DNAJB14: variants seen among roughly 807,000 people sequenced by gnomAD.
DNAJB14 encodes the protein dnaJ homolog subfamily B member 14.
In DNAJB14, 22 loss-of-function variants were observed where a neutral mutation model predicts 48.4. The ratio of observed to expected loss-of-function variants is 0.45; its 90% confidence interval spans 0.32 to 0.65. The LOEUF (loss-of-function observed/expected upper bound fraction) is 0.65, where lower values mean the gene tolerates loss of function less well. Among genes scored for constraint, DNAJB14 ranks in the 30% least tolerant of loss-of-function variants. DNAJB14 has a pLI of 0.03. For synonymous variants in DNAJB14, 142 were observed against 158.7 expected, an observed-to-expected ratio of 0.89 and a Z score of 0.79; for missense variants, 319 against 458.8, an observed-to-expected ratio of 0.70 and a Z score of 2.78.
rs1725225178 is a variant in DNAJB14, at chr4:99,899,444, T to G, written c.*1584A>C. ...ATTTCTAAGAGCAAGTTGGTTAAGC[T>G]CTCCAGTTTTCCTATGACAGTATGT... On this transcript the variant is annotated 3_prime_UTR_variant, in exon 8 of 8. Coordinates refer to ENST00000442697, the MANE Select transcript of DNAJB14 (RefSeq NM_001031723.4). 6.6e-6 allele frequency: 1 copy of G among 151,868 alleles called. No homozygotes were observed. Among genetic ancestry groups the G allele is most frequent in the Non-Finnish European group, 1.5e-5 (1 of 67,644 alleles). 9.4% of individuals were successfully genotyped at this position (151,868 alleles called of 1,614,324 possible).
At chr4:99,906,168 G>T in intron 5 of DNAJB14, 1 of 1,329,366 alleles carries the variant, frequency 7.5e-7, no homozygotes, top group Non-Finnish European at 9.8e-7. Flanking sequence ...AGGCAATTAG[G>T]TATAACTGCA....
At chr4:99,916,311 T>A (rs970705632) in intron 3 of DNAJB14, among the ~76,000 whole-genome samples, 4 of 152,266 alleles carry the variant, frequency 2.6e-5, no homozygotes, top group African/African-American at 9.6e-5. Context: ...GCTAATTTTT[T>A]AATTTTTTAT....
At chr4:99,910,633 AAT>A (rs1266935257) in intron 3 of DNAJB14, among the ~76,000 whole-genome samples, 1 of 152,038 alleles carries the variant, frequency 6.6e-6, no homozygotes, top group Non-Finnish European at 1.5e-5. Context: ...CATAATCTAT[AAT>A]TGTACACATA....
At chr4:99,914,145 T>C (rs1318193586) in intron 3 of DNAJB14, among the ~76,000 whole-genome samples, 1 of 152,132 alleles carries the variant, frequency 6.6e-6, no homozygotes, top group Non-Finnish European at 1.5e-5. Flanking sequence ...CAGCAAGACA[T>C]TCATGAGGGA....
chr4:99,914,047 A>G lies in DNAJB14; in HGVS notation c.452-5151T>C, dbSNP rs143109211. Among the ~76,000 whole-genome samples the G allele has an allele frequency of 5.9e-3, 891 of 152,278 alleles. 31 individuals are homozygous for G. Among genetic ancestry groups the G allele is most frequent in the Admixed American group, 0.046 (710 of 15,292 alleles). ...AAAACCTGAGGGGTGTCCTGGCTTT[A>G]TAACAACCCACTCATTCGGGAAATA... On this transcript the variant is annotated intron_variant, in intron 3 of 7. Transcript: ENST00000442697.
chr4:99,911,628 C>G (rs967719487), intron 3 of DNAJB14, among the ~76,000 whole-genome samples: 3 of 152,170 alleles, frequency 2.0e-5, no homozygotes, highest in African/African-American at 7.2e-5. Context: ...TTGCATTTCT[C>G]TAATGACTAA....
chr4:99,932,758 G>A (rs772083563), intron 1 of DNAJB14, among the ~76,000 whole-genome samples: 1 of 151,978 alleles, frequency 6.6e-6, no homozygotes, highest in Non-Finnish European at 1.5e-5. Flanking sequence ...ATCAACTGAT[G>A]GATAATGATA....
At chr4:99,925,016 T>C in intron 2 of DNAJB14, 1 of 561,752 alleles carries the variant, frequency 1.8e-6, no homozygotes. Flanking sequence ...CCCTAGACTC[T>C]AAGATGTATA....
chr4:99,903,205 A>G (rs1383618953), intron 7 of DNAJB14, among the ~76,000 whole-genome samples: 4 of 152,140 alleles, frequency 2.6e-5, no homozygotes. Flanking sequence ...CTGTTCCTTA[A>G]ATTAAGAAAA....
intron 1 of DNAJB14, among the ~76,000 whole-genome samples, chr4:99,939,239 G>A (rs976629246): frequency 6.6e-6 from 1 of 152,178 alleles, no homozygotes; most frequent in East Asian, 1.9e-4. Flanking sequence ...GTGCATGCCT[G>A]TAGTCCCAGC....
In DNAJB14 at chr4:99,903,800, T is replaced by A. The variant is rs1725376496; in HGVS notation, c.941A>T (p.Gln314Leu). 6.2e-7 allele frequency: 1 copy of A among 1,613,036 alleles called. No individual in the cohort carries two copies. The highest frequency in any genetic ancestry group is 1.1e-5 in the South Asian group (1 of 91,034). The change falls in exon 7 of 8, where the codon CAA becomes CTA. Residue 314 changes from glutamine to leucine, a missense_variant. Physicochemically the swap from Gln to Leu is moderately radical, Grantham distance 113 (BLOSUM62 -2). Transcript: ENST00000442697. ...TTCCTCCACACTCTTTTCTACCTTT[T>A]GTAATAACATTCCTTTATATTCATT... ...FKNEYKGMLL[Q>L]KVEKSVEEDY...
Position 99,897,370 on chromosome 4 carries a change from T to C in DNAJB14, c.*3658A>G, listed in dbSNP as rs1387281567. The C allele has an allele frequency of 6.6e-6, 1 of 151,810 alleles. No homozygotes were observed. The highest frequency in any genetic ancestry group is 2.4e-5 in the African/African-American group (1 of 41,402). 9.4% of individuals were successfully genotyped at this position (151,810 alleles called of 1,614,324 possible). On this transcript the variant is annotated 3_prime_UTR_variant, in exon 8 of 8. Transcript: ENST00000442697. ...AAAAATATGGTGCTATAATCCTTAATATAAGGAGTATGTTTTGAATTAATG... is the reference window on the plus strand; with the variant it reads ...AAAAATATGGTGCTATAATCCTTAACATAAGGAGTATGTTTTGAATTAATG...
intron 1 of DNAJB14, 151 bp from the exon 2 acceptor site, chr4:99,930,772 TA>T: frequency 1.4e-6 from 1 of 701,312 alleles, no homozygotes; most frequent in African/African-American, 1.8e-5. Flanking sequence ...TTCCCCTAAG[TA>T]CTTAACTGTT....
intron 6 of DNAJB14, among the ~76,000 whole-genome samples, chr4:99,904,467 T>C (rs1258409661): frequency 6.6e-6 from 1 of 152,148 alleles, no homozygotes; most frequent in Non-Finnish European, 1.5e-5. Context: ...AAAAATATTG[T>C]ATAAAATTAC....
chr4:99,908,431 C>A (rs1405701050), intron 4 of DNAJB14, among the ~76,000 whole-genome samples: 2 of 151,980 alleles, frequency 1.3e-5, no homozygotes, highest in Non-Finnish European at 2.9e-5. Context: ...TAAGACATTG[C>A]CATTACATTT....
rs1725174582 is a variant in DNAJB14, at chr4:99,897,588, C to A, written c.*3440G>T. ...GAATTTAAAATGTTGGAAATTATTG[C>A]CAGACAAGTTTCTTTTCATTGGTTT... On this transcript the variant is annotated 3_prime_UTR_variant, in exon 8 of 8. Coordinates refer to ENST00000442697, the MANE Select transcript of DNAJB14 (RefSeq NM_001031723.4). 6.6e-6 allele frequency: 1 copy of A among 151,846 alleles called. No individual in the cohort carries two copies. Among genetic ancestry groups the A allele is most frequent in the African/African-American group, 2.4e-5 (1 of 41,402 alleles). The allele number at this position is 151,846 out of a possible 1,614,324, so 9.4% of individuals were successfully genotyped here.
chr4:99,944,878 A>C (rs930637026), intron 1 of DNAJB14, among the ~76,000 whole-genome samples: 7 of 152,174 alleles, frequency 4.6e-5, no homozygotes, highest in African/African-American at 1.7e-4. Context: ...CGCCCAGCCT[A>C]ATCAGTATTT....
At chr4:99,924,306 A>ATTTTTT (rs11343224) in intron 2 of DNAJB14, 1 of 138,474 alleles carries the variant, frequency 7.2e-6, no homozygotes, top group Non-Finnish European at 1.6e-5. Context: ...AAGAGACAAG[A>ATTTTTT]TTTTTTTTTT....
At position 99,924,755 on chromosome 4, in the gene DNAJB14, C is replaced by T; in HGVS notation, c.306-1570G>A. 3.1e-6 allele frequency: 5 copies of T among 1,611,342 alleles called. No homozygotes were observed. In the South Asian group the frequency reaches 5.5e-5, roughly 18 times the overall value. On this transcript the variant is annotated intron_variant, in intron 2 of 7. Coordinates refer to ENST00000442697, the MANE Select transcript of DNAJB14 (RefSeq NM_001031723.4). The stretch of plus-strand genomic sequence containing the variant: ...GGAAATGGGGGGCATTTATAAAATA[C>T]CTACTGTGTGTTAGGTACAGGTCCA...
Sources: gnomAD v4.1 joint callset for allele counts (sites outside exome capture counted in the v4.1 genomes callset) on GRCh38, gnomAD v4.1.1 for gene constraint, MANE v1.5 for transcripts, NCBI Gene and HGNC (gene_info 2026-07-23, HGNC 2026-07-21) for gene names.